The following LDLRAD4 variants were observed in gnomAD, a reference collection of about 807,000 sequenced individuals.
LDLRAD4 encodes the protein low-density lipoprotein receptor class A domain-containing protein 4.
Under a neutral mutation model 17.0 loss-of-function variants are expected in LDLRAD4, and 5 were observed. The ratio of observed to expected loss-of-function variants is 0.29; its 90% confidence interval spans 0.15 to 0.62. The LOEUF (loss-of-function observed/expected upper bound fraction) is 0.62, where lower values mean the gene tolerates loss of function less well. LDLRAD4 is among the 20% of genes least tolerant of loss of function. The pLI is 0.84. For missense variants in LDLRAD4, 340 were observed against 424.7 expected, an observed-to-expected ratio of 0.80 and a Z score of 1.75; for synonymous variants, 168 against 171.8, an observed-to-expected ratio of 0.98 and a Z score of 0.17.
intron 3 of LDLRAD4, among the ~76,000 whole-genome samples, chr18:13,619,609 G>A (rs147548389): frequency 0.011 from 1,670 of 152,116 alleles, 21 homozygotes; most frequent in South Asian, 0.042. Flanking sequence ...AGGCTGGGCC[G>A]GGCACCAGGC....
intron 3 of LDLRAD4, among the ~76,000 whole-genome samples, chr18:13,584,774 T>C (rs2094912686): frequency 6.6e-6 from 1 of 152,218 alleles, no homozygotes; most frequent in African/African-American, 2.4e-5. Flanking sequence ...TGGATCTGTC[T>C]CCTGATACAC....
chr18:13,458,480 A>AT (rs2092265393), intron 3 of LDLRAD4, among the ~76,000 whole-genome samples: 1 of 152,158 alleles, frequency 6.6e-6, no homozygotes, highest in African/African-American at 2.4e-5. Flanking sequence ...ATTATGCATT[A>AT]TTTATTCATG....
chr18:13,581,137 G>A (rs1456419574), intron 3 of LDLRAD4, among the ~76,000 whole-genome samples: 1 of 152,188 alleles, frequency 6.6e-6, no homozygotes, highest in African/African-American at 2.4e-5. Context: ...ATGGCCTGAA[G>A]GTAATTTTAT....
chr18:13,568,961 C>T (rs949165754), intron 3 of LDLRAD4, among the ~76,000 whole-genome samples: 4 of 152,146 alleles, frequency 2.6e-5, no homozygotes, highest in Admixed American at 1.3e-4. Context: ...GATGTTGGCT[C>T]CTCTCACCTG....
At chr18:13,339,869 A>T (rs1301954916) in intron 1 of LDLRAD4, among the ~76,000 whole-genome samples, 1 of 152,184 alleles carries the variant, frequency 6.6e-6, no homozygotes, top group Non-Finnish European at 1.5e-5. Context: ...TTGTGCAACC[A>T]TTACCACCAT....
rs2043543250 is a variant in LDLRAD4 at position 13,257,031 on chromosome 18, A to C, written c.-466-21074A>C. Reference sequence around the variant, plus strand: ...GGAACTTGAGAAGTGCAAATTTGTTAATACTTCCTTTGACAATGGTTTGTA... The same window carrying C: ...GGAACTTGAGAAGTGCAAATTTGTTCATACTTCCTTTGACAATGGTTTGTA... On this transcript the variant is annotated intron_variant, in intron 1 of 5. Transcript: ENST00000399848. Among the ~76,000 whole-genome samples, 3 of 152,332 alleles carry C rather than the reference A, an allele frequency of 2.0e-5. No individual in the cohort carries two copies. The South Asian group carries it at 6.2e-4, about 32-fold the overall frequency.
Position 13,628,494 on chromosome 18 carries a change from C to G in LDLRAD4, c.336+7223C>G, listed in dbSNP as rs2041374650. On this transcript the variant is annotated intron_variant, in intron 4 of 5. Coordinates refer to ENST00000359446, the Ensembl canonical transcript of LDLRAD4. ...GTCCGGCGGGTTGGCCGCAGCATGT[C>G]TGTCTGAGTGAGCAAGGACTTCCAA... Among the ~76,000 whole-genome samples, 4 of 152,368 alleles carry G rather than the reference C, an allele frequency of 2.6e-5. No homozygotes were observed. The South Asian group carries it at 8.3e-4, about 32-fold the overall frequency.
chr18:13,473,675 ATAT>A (rs1568214075), intron 3 of LDLRAD4, among the ~76,000 whole-genome samples: 1,961 of 112,954 alleles, frequency 0.017, 156 homozygotes, highest in African/African-American at 0.061. Flanking sequence ...ATATATATAT[ATAT>A]AACGTTTACA....
chr18:13,489,078 C>T (rs2093302410), intron 3 of LDLRAD4: 1 of 151,652 alleles, frequency 6.6e-6, no homozygotes, highest in Non-Finnish European at 1.5e-5. Flanking sequence ...TTTCTTTAAC[C>T]GAGGGGTGGA....
chr18:13,233,954 T>A (rs1484155073), intron 1 of LDLRAD4, among the ~76,000 whole-genome samples: 1 of 152,174 alleles, frequency 6.6e-6, no homozygotes, highest in South Asian at 2.1e-4. Context: ...AGCATCCTTG[T>A]CTGCCCGTGG....
At chr18:13,507,104 CTTA>C (rs948932875) in intron 3 of LDLRAD4, among the ~76,000 whole-genome samples, 15 of 152,288 alleles carry the variant, frequency 9.8e-5, no homozygotes, top group African/African-American at 3.4e-4. Flanking sequence ...TTTTCAACTT[CTTA>C]TTATATGTTA....
At chr18:13,489,879 G>A (rs184045706) in intron 3 of LDLRAD4, 35 of 152,342 alleles carry the variant, frequency 2.3e-4, no homozygotes, top group African/African-American at 8.2e-4. Flanking sequence ...AGAAGAAGGA[G>A]GGAGGAGATT....
At chr18:13,576,196 G>A (rs1003272013) in intron 3 of LDLRAD4, among the ~76,000 whole-genome samples, 1 of 152,138 alleles carries the variant, frequency 6.6e-6, no homozygotes, top group Non-Finnish European at 1.5e-5. Flanking sequence ...GGCCAAGACG[G>A]GTGGATCACG....
At chr18:13,609,572 T>C (rs1165473333) in intron 3 of LDLRAD4, among the ~76,000 whole-genome samples, 1 of 151,938 alleles carries the variant, frequency 6.6e-6, no homozygotes, top group Non-Finnish European at 1.5e-5. Flanking sequence ...GTGTGGGCAA[T>C]GTTTTCAAAG....
intron 1 of LDLRAD4, among the ~76,000 whole-genome samples, chr18:13,256,016 A>G (rs952745857): frequency 1.3e-5 from 2 of 152,180 alleles, no homozygotes; most frequent in African/African-American, 2.4e-5. Context: ...CTACCCTCTT[A>G]GAAAATGATG....
chr18:13,463,255 T>C (rs1197704667), intron 3 of LDLRAD4, among the ~76,000 whole-genome samples: 4 of 152,204 alleles, frequency 2.6e-5, no homozygotes, highest in African/African-American at 4.8e-5. Flanking sequence ...GCTCCCTCCC[T>C]GTCCCCCAGT....
chr18:13,431,756 T>A (rs545931434), intron 2 of LDLRAD4, among the ~76,000 whole-genome samples: 1 of 152,356 alleles, frequency 6.6e-6, no homozygotes, highest in East Asian at 1.9e-4. Flanking sequence ...TGGGCAGATT[T>A]CCTTTTATCA....
At chr18:13,586,751 G>A (rs983428113) in intron 3 of LDLRAD4, among the ~76,000 whole-genome samples, 6 of 151,946 alleles carry the variant, frequency 3.9e-5, no homozygotes, top group African/African-American at 1.5e-4. Context: ...AGCCAGGCAT[G>A]GTGGCGCACA....
rs10680224 is a variant in LDLRAD4, at chr18:13,531,587, C to CTTTTTT, written c.182-89515_182-89510dup. On this transcript the variant is annotated intron_variant, in intron 3 of 5. Transcript: ENST00000359446. Reference sequence around the variant, plus strand: ...CTTAGGTGACAGAGCAAGACTCCATCTTTTTTTTTTTTTTTTTTTTAAAGA... The same window carrying CTTTTTT: ...CTTAGGTGACAGAGCAAGACTCCATCTTTTTTTTTTTTTTTTTTTTTTTTTTAAAGA... 3.9e-3 allele frequency among the ~76,000 whole-genome samples: 484 copies of CTTTTTT among 124,574 alleles called. 5 individuals are homozygous for CTTTTTT. Among genetic ancestry groups the CTTTTTT allele is most frequent in the African/African-American group, 0.014 (460 of 32,844 alleles). The allele number at this position is 124,574 out of a possible 152,430, so 81.7% of individuals were successfully genotyped here. A position where few individuals can be genotyped will look rare whatever the true frequency, so the allele number is the denominator to read the frequency against.
Sources: gnomAD v4.1 joint callset for allele counts (sites outside exome capture counted in the v4.1 genomes callset) on GRCh38, gnomAD v4.1.1 for gene constraint, MANE v1.5 for transcripts, NCBI Gene and HGNC (gene_info 2026-07-23, HGNC 2026-07-21) for gene names.